SLCO1B3: variants seen among roughly 807,000 people sequenced by gnomAD.
The protein encoded by SLCO1B3 is solute carrier organic anion transporter family member 1B3, also known as liver-specific organic anion transporter 2.
Under a neutral mutation model 71.8 loss-of-function variants are expected in SLCO1B3, and 72 were observed. The ratio of observed to expected loss-of-function variants is 1.00; its 90% CI spans 0.83 to 1.22. The LOEUF (loss-of-function observed/expected upper bound fraction) is 1.22. Among genes scored for constraint, SLCO1B3 ranks in the 50% most tolerant of loss-of-function variants. The probability of loss-of-function intolerance (pLI) is 0.00; values close to 1 mark genes in which losing one functional copy is unlikely to be tolerated. For missense variants in SLCO1B3, 911 were observed against 819.7 expected (o/e 1.11, Z -1.36); for synonymous variants, 298 against 278.4 (o/e 1.07, Z -0.70).
At chr12:20,849,457 G>A (rs1294934453) in intron 3 of SLCO1B3, among the ~76,000 whole-genome samples, 1 of 152,012 alleles carries the variant, frequency 6.6e-6, no homozygotes, top group East Asian at 1.9e-4. Flanking sequence ...ATTTGATATT[G>A]AAAGACTGAA....
At chr12:20,862,683 T>C in intron 7 of SLCO1B3, 73 bp from the exon 8 acceptor site, 1 of 1,451,036 alleles carries the variant, frequency 6.9e-7, no homozygotes, top group Non-Finnish European at 9.5e-7. Flanking sequence ...TGTATAATAT[T>C]ACTTTTAAAA....
At chr12:20,846,948 C>T (rs1048735070) in intron 3 of SLCO1B3, among the ~76,000 whole-genome samples, 2 of 152,012 alleles carry the variant, frequency 1.3e-5, no homozygotes, top group African/African-American at 4.8e-5. Context: ...TAAAATCTCT[C>T]TGACAATTAT....
chr12:20,866,972 G>C (rs191475437), intron 8 of SLCO1B3, among the ~76,000 whole-genome samples: 2 of 152,222 alleles, frequency 1.3e-5, no homozygotes, highest in East Asian at 3.9e-4. Context: ...TTTCTGAAAA[G>C]TTATGACAGT....
chr12:20,876,675 C>T (rs11045579), intron 9 of SLCO1B3, among the ~76,000 whole-genome samples: 110,089 of 151,990 alleles, frequency 0.72, 42,466 homozygotes, highest in South Asian at 0.9. Context: ...AAAAATATCA[C>T]AAATCGAGTT....
At chr12:20,850,267 T>TATTC (rs1864999008) in intron 3 of SLCO1B3, among the ~76,000 whole-genome samples, 1 of 140,080 alleles carries the variant, frequency 7.1e-6, no homozygotes, top group Admixed American at 7.0e-5. Flanking sequence ...TTTATTTATT[T>TATTC]ATTTATTTAT....
intron 3 of SLCO1B3, among the ~76,000 whole-genome samples, chr12:20,847,074 G>A (rs1864934297): frequency 6.6e-6 from 1 of 152,112 alleles, no homozygotes; most frequent in Non-Finnish European, 1.5e-5. Flanking sequence ...TGTGAAGCTA[G>A]CACTTCATGT....
chr12:20,871,331 CTGAG>C (rs1865471878), intron 8 of SLCO1B3, among the ~76,000 whole-genome samples: 4 of 152,120 alleles, frequency 2.6e-5, no homozygotes, highest in Admixed American at 2.6e-4. Context: ...TTGAATTTCT[CTGAG>C]TTTCTTCAGA....
At chr12:20,867,220 T>C (rs995020480) in intron 8 of SLCO1B3, among the ~76,000 whole-genome samples, 4 of 152,074 alleles carry the variant, frequency 2.6e-5, no homozygotes, top group African/African-American at 9.7e-5. Flanking sequence ...GAAAGGATTG[T>C]AAATACTGTG....
intron 3 of SLCO1B3, among the ~76,000 whole-genome samples, chr12:20,852,588 G>A (rs1192931061): frequency 6.6e-6 from 1 of 152,080 alleles, no homozygotes; most frequent in Non-Finnish European, 1.5e-5. Context: ...AGAATTGAAT[G>A]TTTCCCATTT....
chr12:20,830,061 A>T (rs1864507105), intron 3 of SLCO1B3, among the ~76,000 whole-genome samples: 1 of 152,172 alleles, frequency 6.6e-6, no homozygotes, highest in South Asian at 2.1e-4. Context: ...CGGGGACTGC[A>T]GCCCAGTAGG....
rs777161969 is a variant in SLCO1B3 at position 20,883,488 on chromosome 12, A to G, written c.1568A>G (p.Glu523Gly). 6.3e-7 allele frequency: 1 copy of G among 1,597,686 alleles called. No individual in the cohort carries two copies. Among genetic ancestry groups the G allele is most frequent in the Non-Finnish European group, 8.5e-7 (1 of 1,170,448 alleles). Residue 523 changes from glutamate to glycine, a missense_variant, in exon 13 of 16, where the codon GAA (glutamate) becomes GGA (glycine). By Grantham distance (98) the Glu-to-Gly change is moderately conservative (BLOSUM62 -2). Coordinates refer to ENST00000381545, the MANE Select transcript of SLCO1B3 (RefSeq NM_019844.4). Reference protein sequence around the residue: ...QNRNYSAHLGECPRDNTCTRK... With the variant: ...QNRNYSAHLGGCPRDNTCTRK... Reference sequence around the variant, plus strand: ...AGAAATTACTCAGCACACTTGGGTGAATGCCCAAGAGATAATACTTGTACA... The same window carrying G: ...AGAAATTACTCAGCACACTTGGGTGGATGCCCAAGAGATAATACTTGTACA...
chr12:20,867,655 T>C (rs1028232257), intron 8 of SLCO1B3, among the ~76,000 whole-genome samples: 1 of 152,214 alleles, frequency 6.6e-6, no homozygotes, highest in Non-Finnish European at 1.5e-5. Context: ...CAAGACTGTT[T>C]TGATGTATTT....
At chr12:20,903,287 A>G (rs1866167113) in intron 15 of SLCO1B3, among the ~76,000 whole-genome samples, 1 of 152,144 alleles carries the variant, frequency 6.6e-6, no homozygotes, top group African/African-American at 2.4e-5. Context: ...CCACAAAAAA[A>G]CCTGTACTTG....
At chr12:20,915,953 T>C in intron 15 of SLCO1B3, 51 bp from the exon 16 acceptor site, 2 of 1,437,396 alleles carry the variant, frequency 1.4e-6, no homozygotes, top group Non-Finnish European at 1.9e-6. Context: ...AAATGTAAGA[T>C]ATTTTACACA....
chr12:20,850,376 A>G (rs11045558), intron 3 of SLCO1B3, among the ~76,000 whole-genome samples: 1 of 150,854 alleles, frequency 6.6e-6, no homozygotes, highest in Non-Finnish European at 1.5e-5. Context: ...GCCTCCCGGG[A>G]TCACGCCATT....
chr12:20,850,134 C>A (rs1341977927), intron 3 of SLCO1B3, among the ~76,000 whole-genome samples: 1 of 142,744 alleles, frequency 7.0e-6, no homozygotes, highest in Non-Finnish European at 1.5e-5. Flanking sequence ...GAAAAAATAA[C>A]AAAGTTGGAA....
At chr12:20,870,109 AC>A (rs1489041215) in intron 8 of SLCO1B3, among the ~76,000 whole-genome samples, 1 of 152,044 alleles carries the variant, frequency 6.6e-6, no homozygotes, top group Non-Finnish European at 1.5e-5. Flanking sequence ...CTTTTCATAT[AC>A]CTGTTCATTT....
intron 6 of SLCO1B3, 68 bp downstream of exon 6, chr12:20,861,206 T>C: frequency 7.4e-7 from 1 of 1,345,792 alleles, no homozygotes; most frequent in Non-Finnish European, 1.0e-6. Flanking sequence ...ATAAAGTTTC[T>C]GATATTCTTT....
chr12:20,856,329 G>A (rs1301779905), intron 4 of SLCO1B3, among the ~76,000 whole-genome samples: 2 of 152,052 alleles, frequency 1.3e-5, no homozygotes, highest in East Asian at 3.9e-4. Context: ...TTCATGTATA[G>A]ATGACCCTCT....
Sources: allele counts gnomAD v4.1 joint callset (sites outside exome capture counted in the v4.1 genomes callset), GRCh38; gene constraint gnomAD v4.1.1; transcripts MANE v1.5; gene names NCBI Gene and HGNC (gene_info 2026-07-23, HGNC 2026-07-21).